The following RIC3 variants were observed in gnomAD, a reference collection of about 807,000 sequenced individuals.
RIC3 encodes the protein protein RIC-3.
RIC3 carries 28 observed loss-of-function variants against 27.3 expected under a neutral mutation model. That is an observed-to-expected ratio of 1.02 (90% CI 0.76 to 1.41). The LOEUF (loss-of-function observed/expected upper bound fraction) is 1.41. RIC3 is among the 40% of genes most tolerant of loss of function. The pLI, the probability that RIC3 is intolerant of heterozygous loss-of-function variation, is 0.00. For missense variants in RIC3, 501 were observed against 444.7 expected, an observed-to-expected ratio of 1.13 and a Z score of -1.14; for synonymous variants, 184 against 160.4, an observed-to-expected ratio of 1.15 and a Z score of -1.11.
In RIC3 at chr11:8,110,863, G is replaced by T; in HGVS notation, c.945C>A (p.Val315=). 1 of 1,614,164 alleles carries T rather than the reference G, an allele frequency of 6.2e-7. No individual in the cohort carries two copies. Among genetic ancestry groups the T allele is most frequent in the South Asian group, 1.1e-5 (1 of 91,084 alleles). Residue 315 remains valine, a synonymous_variant, in exon 6 of 6, where the codon GTC becomes GTA. Coordinates refer to ENST00000309737, the MANE Select transcript of RIC3 (RefSeq NM_001206671.4). ...CCFHEDEDPA[V]LAENAGFSAD... is the part of the protein sequence containing the mutation. The stretch of plus-strand genomic sequence containing the variant: ...CACTGAATCCAGCATTCTCTGCCAA[G>T]ACAGCAGGATCCTCGTCTTCATGAA...
chr11:8,118,521 T>C (rs150283762), intron 5 of RIC3, among the ~76,000 whole-genome samples: 1 of 32,524 alleles, frequency 3.1e-5, no homozygotes, highest in Admixed American at 4.1e-4. Flanking sequence ...TAGAAAGCCA[T>C]AATTGTAAAA....
chr11:8,097,507 A>G, the RIC3 span: 3 of 1,576,354 alleles, frequency 1.9e-6, no homozygotes, highest in Non-Finnish European at 1.7e-6. Flanking sequence ...TGGAAGTCTC[A>G]TATCTACCAC....
chr11:8,152,667 T>C (rs1157588456), intron 1 of RIC3, among the ~76,000 whole-genome samples: 1 of 152,198 alleles, frequency 6.6e-6, no homozygotes, highest in African/African-American at 2.4e-5. Flanking sequence ...GTAGTGATAG[T>C]TGCACAACTC....
chr11:8,101,030 G>A, the RIC3 span: 588 of 1,612,610 alleles, frequency 3.6e-4, 7 homozygotes, highest in South Asian at 4.0e-3. Flanking sequence ...ATTATGGTCC[G>A]TAGGATACCC....
At chr11:8,166,465 A>T (rs948674904) in intron 1 of RIC3, among the ~76,000 whole-genome samples, 2 of 152,202 alleles carry the variant, frequency 1.3e-5, no homozygotes, top group Non-Finnish European at 2.9e-5. Flanking sequence ...ATTTTCAAAT[A>T]CTCAGGGTTA....
At chr11:8,097,891 G>A in the RIC3 span, 1 of 1,286,352 alleles carries the variant, frequency 7.8e-7, no homozygotes, top group Non-Finnish European at 1.1e-6. Context: ...GCTGTCTGTA[G>A]AGGGCCTGAA....
Position 8,110,575 on chromosome 11 carries a change from G to A in RIC3, c.*123C>T. On this transcript the variant is annotated 3_prime_UTR_variant, in exon 6 of 6. Transcript: ENST00000309737. ...AAGGATACATGATATCCATGATAGT[G>A]GCCTGATAGCTATGACACTTGAACA... 1.2e-6 allele frequency: 1 copy of A among 853,292 alleles called. No individual in the cohort carries two copies. Among genetic ancestry groups the A allele is most frequent in the Non-Finnish European group, 2.0e-6 (1 of 502,980 alleles). 52.9% of individuals were successfully genotyped at this position (853,292 alleles called of 1,614,324 possible).
At chr11:8,100,307 G>C in the RIC3 span, among the ~76,000 whole-genome samples, 1 of 152,158 alleles carries the variant, frequency 6.6e-6, no homozygotes, top group African/African-American at 2.4e-5. Context: ...CAAGGATGAC[G>C]CATAAGAGGA....
At chr11:8,147,687 G>A (rs1011620456) in intron 1 of RIC3, among the ~76,000 whole-genome samples, 5 of 151,384 alleles carry the variant, frequency 3.3e-5, no homozygotes, top group Non-Finnish European at 7.4e-5. Flanking sequence ...TTTGTAGGGT[G>A]TGCCTCCCTA....
At chr11:8,141,551 A>T (rs954819545) in intron 1 of RIC3, among the ~76,000 whole-genome samples, 5 of 151,388 alleles carry the variant, frequency 3.3e-5, no homozygotes, top group African/African-American at 1.2e-4. Flanking sequence ...ACCTACAAAG[A>T]GACTTAGACT....
chr11:8,147,424 A>AT (rs1381988530), intron 1 of RIC3, among the ~76,000 whole-genome samples: 2 of 151,970 alleles, frequency 1.3e-5, no homozygotes, highest in African/African-American at 4.8e-5. Context: ...ACCTTAGTTG[A>AT]TTGTCTCCTG....
chr11:8,148,900 G>C (rs1949972377), intron 1 of RIC3, among the ~76,000 whole-genome samples: 1 of 151,762 alleles, frequency 6.6e-6, no homozygotes, highest in Non-Finnish European at 1.5e-5. Context: ...AGAGGAGTTG[G>C]CTGGGCGCAG....
At chr11:8,150,852 C>A (rs979150066) in intron 1 of RIC3, among the ~76,000 whole-genome samples, 1 of 152,136 alleles carries the variant, frequency 6.6e-6, no homozygotes, top group African/African-American at 2.4e-5. Context: ...ATAACAGAAA[C>A]CAAAGTACTA....
At chr11:8,098,681 A>G in the RIC3 span, 5 of 1,127,564 alleles carry the variant, frequency 4.4e-6, no homozygotes, top group East Asian at 2.4e-5. Flanking sequence ...CAGGCTCCTC[A>G]TAGGACAGAC....
chr11:8,095,420 C>A, the RIC3 span: 1 of 1,464,332 alleles, frequency 6.8e-7, no homozygotes, highest in Non-Finnish European at 9.2e-7. Context: ...CTTCCCTCAT[C>A]CCCTTCATGG....
intron 1 of RIC3, among the ~76,000 whole-genome samples, chr11:8,152,476 T>A (rs118112091): frequency 6.6e-6 from 1 of 152,196 alleles, no homozygotes; most frequent in Non-Finnish European, 1.5e-5. Context: ...GAAAACCACA[T>A]ATTATATGGT....
At chr11:8,135,535 T>C (rs1040470383) in intron 4 of RIC3, 2 of 152,240 alleles carry the variant, frequency 1.3e-5, no homozygotes, top group Admixed American at 1.3e-4. Context: ...CATTGGTAGC[T>C]TGATGGGGAT....
intron 1 of RIC3, among the ~76,000 whole-genome samples, chr11:8,141,028 G>T (rs1948995965): frequency 6.7e-6 from 1 of 148,820 alleles, no homozygotes; most frequent in African/African-American, 2.5e-5. Flanking sequence ...GCTCCTGAAG[G>T]AAGCGCTAAA....
Position 8,163,768 on chromosome 11 carries a change from T to C in RIC3, c.124+5098A>G, listed in dbSNP as rs180914123. 4.3e-4 allele frequency among the ~76,000 whole-genome samples: 65 copies of C among 150,948 alleles called. 1 individual carries two copies. The highest frequency in any genetic ancestry group is 3.3e-3 in the Admixed American group (50 of 15,140). On this transcript the variant is annotated intron_variant, in intron 1 of 5. Coordinates refer to ENST00000309737, the MANE Select transcript of RIC3 (RefSeq NM_001206671.4). ...TTTAATATTGGTAAGATGGCAGTAC[T>C]CTCCAAATTGCTTCAGTTCACTCTA...
Sources: gnomAD v4.1 joint callset for allele counts (sites outside exome capture counted in the v4.1 genomes callset) on GRCh38, gnomAD v4.1.1 for gene constraint, MANE v1.5 for transcripts, NCBI Gene and HGNC (gene_info 2026-07-23, HGNC 2026-07-21) for gene names.